The following SLC39A11 variants were observed in gnomAD, a reference collection of about 807,000 sequenced individuals.
SLC39A11 encodes zinc transporter ZIP11.
Under a neutral mutation model 36.1 loss-of-function variants are expected in SLC39A11, and 33 were observed. The ratio of observed to expected loss-of-function variants is 0.91; its 90% CI spans 0.69 to 1.22. The LOEUF (loss-of-function observed/expected upper bound fraction) is 1.22. SLC39A11 is among the 50% of genes most tolerant of loss of function. The pLI, the probability that SLC39A11 is intolerant of heterozygous loss-of-function variation, is 0.00. For missense variants in SLC39A11, 432 were observed against 430.3 expected (o/e 1.00, Z -0.03); for synonymous variants, 166 against 170.3 (o/e 0.97, Z 0.20).
intron 7 of SLC39A11, among the ~76,000 whole-genome samples, chr17:72,722,423 C>T (rs770265823): frequency 8.6e-5 from 13 of 151,644 alleles, no homozygotes; most frequent in East Asian, 1.9e-4. Context: ...GGAGTTCAAA[C>T]GGATTAGTTT....
At chr17:72,753,268 G>T (rs779637226) in intron 6 of SLC39A11, among the ~76,000 whole-genome samples, 2 of 151,988 alleles carry the variant, frequency 1.3e-5, no homozygotes, top group Non-Finnish European at 2.9e-5. Context: ...TTTCAGCTCA[G>T]GAAAAATTTC....
At chr17:73,011,964 A>C (rs2090548115) in intron 4 of SLC39A11, among the ~76,000 whole-genome samples, 1 of 148,516 alleles carries the variant, frequency 6.7e-6, no homozygotes, top group South Asian at 2.2e-4. Context: ...CCCTGGCCCT[A>C]GTTGTACATT....
chr17:72,965,740 G>C (rs949739738), intron 4 of SLC39A11, among the ~76,000 whole-genome samples: 12 of 152,206 alleles, frequency 7.9e-5, no homozygotes, highest in African/African-American at 2.7e-4. Context: ...GTGTGGAAAA[G>C]ATACCAGGAT....
chr17:72,771,879 G>C (rs1010911903), intron 6 of SLC39A11, among the ~76,000 whole-genome samples: 1 of 152,158 alleles, frequency 6.6e-6, no homozygotes. Context: ...TAAAGACTTG[G>C]GGTGGGGAAG....
At chr17:72,901,542 T>C (rs2082396019) in intron 5 of SLC39A11, among the ~76,000 whole-genome samples, 2 of 152,008 alleles carry the variant, frequency 1.3e-5, no homozygotes, top group Non-Finnish European at 2.9e-5. Flanking sequence ...GGAGAGAGGC[T>C]CGGGTTTGGA....
intron 3 of SLC39A11, among the ~76,000 whole-genome samples, chr17:73,073,229 G>T (rs1245261341): frequency 6.6e-6 from 1 of 152,078 alleles, no homozygotes; most frequent in African/African-American, 2.4e-5. Context: ...AAACTCTAAG[G>T]GTCCCAATAC....
intron 3 of SLC39A11, among the ~76,000 whole-genome samples, chr17:73,050,468 T>C (rs2059458365): frequency 6.7e-6 from 1 of 148,436 alleles, no homozygotes; most frequent in Admixed American, 6.7e-5. Context: ...CTGACTTTTT[T>C]TTTTTTTTTT....
chr17:72,924,885 C>T (rs1409782031), intron 5 of SLC39A11, among the ~76,000 whole-genome samples: 4 of 151,810 alleles, frequency 2.6e-5, no homozygotes, highest in Non-Finnish European at 1.5e-5. Flanking sequence ...ACCTGTAGTC[C>T]CAGCTGCTCG....
intron 7 of SLC39A11, among the ~76,000 whole-genome samples, chr17:72,694,449 T>G (rs2072190572): frequency 6.6e-6 from 1 of 152,234 alleles, no homozygotes; most frequent in African/African-American, 2.4e-5. Context: ...ACTGTCTCCT[T>G]GGTCTCAGAC....
At position 73,091,368 on chromosome 17, in the gene SLC39A11, C is replaced by A. The variant is rs557411962; in HGVS notation, c.-12+1243G>T. Among the ~76,000 whole-genome samples, 12 of 152,092 alleles carry A rather than the reference C, an allele frequency of 7.9e-5. No homozygotes were observed. In the East Asian group the frequency reaches 2.3e-3, roughly 29 times the overall value. ...TGAGGCAGGAGTAATCGCTTGAACC[C>A]GGGAGGCGGAGGTTGCAGTGAGCCG... is the stretch of plus-strand genomic sequence containing the variant. On this transcript the variant is annotated intron_variant, in intron 1 of 9. Transcript: ENST00000255559.
chr17:72,988,040 G>A lies in SLC39A11; in HGVS notation c.307-40165C>T, dbSNP rs528357918. Among the ~76,000 whole-genome samples the A allele has an allele frequency of 9.2e-5, 14 of 152,264 alleles. 1 individual carries two copies. The highest frequency in any genetic ancestry group is 8.3e-4 in the South Asian group (4 of 4,820). Reference sequence around the variant, plus strand: ...AGGTGTGTATATTTATGGGGTCCATGAGATGTTTTGACACAGCCATGCAGT... The same window carrying A: ...AGGTGTGTATATTTATGGGGTCCATAAGATGTTTTGACACAGCCATGCAGT... On this transcript the variant is annotated intron_variant, in intron 4 of 9. Coordinates refer to ENST00000255559, the MANE Select transcript of SLC39A11 (RefSeq NM_139177.4).
chr17:72,927,918 A>G (rs371635909), intron 5 of SLC39A11, among the ~76,000 whole-genome samples: 1 of 152,184 alleles, frequency 6.6e-6, no homozygotes, highest in African/African-American at 2.4e-5. Flanking sequence ...GAACATTTGT[A>G]GTATCATCCT....
intron 6 of SLC39A11, among the ~76,000 whole-genome samples, chr17:72,756,805 C>T (rs917620280): frequency 1.3e-5 from 2 of 151,970 alleles, no homozygotes; most frequent in African/African-American, 4.8e-5. Context: ...TATTTTACCA[C>T]AATTAAAATA....
chr17:73,081,682 CATATATGT>C (rs1219962624), intron 3 of SLC39A11, among the ~76,000 whole-genome samples: 3 of 146,242 alleles, frequency 2.1e-5, no homozygotes, highest in Non-Finnish European at 4.5e-5. Context: ...TATATATACA[CATATATGT>C]ATATATGTAT....
At chr17:72,701,972 G>T (rs1025602623) in intron 7 of SLC39A11, among the ~76,000 whole-genome samples, 1 of 152,248 alleles carries the variant, frequency 6.6e-6, no homozygotes, top group Non-Finnish European at 1.5e-5. Context: ...CAGCTGTGGT[G>T]GTGCCTGCCT....
intron 7 of SLC39A11, among the ~76,000 whole-genome samples, chr17:72,723,371 G>A (rs1399611915): frequency 6.9e-6 from 1 of 145,498 alleles, no homozygotes; most frequent in Non-Finnish European, 1.5e-5. Flanking sequence ...CTAGCTGTCA[G>A]GAGGTCTGGA....
chr17:72,865,950 T>A (rs1214367563), intron 5 of SLC39A11, among the ~76,000 whole-genome samples: 1 of 152,112 alleles, frequency 6.6e-6, no homozygotes, highest in Non-Finnish European at 1.5e-5. Flanking sequence ...GACTAACCAA[T>A]GAGCTGGAGG....
intron 1 of SLC39A11, 118 bp from the exon 2 acceptor site, chr17:73,088,893 C>T: frequency 1.5e-6 from 1 of 689,368 alleles, no homozygotes. Context: ...TGACCGTATG[C>T]ACCCTTCCAC....
At chr17:72,901,186 G>A (rs998468410) in intron 5 of SLC39A11, among the ~76,000 whole-genome samples, 1 of 152,222 alleles carries the variant, frequency 6.6e-6, no homozygotes, top group African/African-American at 2.4e-5. Context: ...TCGGCAGCTG[G>A]AATTCCACTG....
Sources: gnomAD v4.1 joint callset for allele counts (sites outside exome capture counted in the v4.1 genomes callset) on GRCh38, gnomAD v4.1.1 for gene constraint, MANE v1.5 for transcripts, NCBI Gene and HGNC (gene_info 2026-07-23, HGNC 2026-07-21) for gene names.